Variants in TMEM183A observed in about 807,000 individuals in gnomAD.
The protein encoded by TMEM183A is transmembrane protein 183A.
A neutral mutation model predicts 46.7 loss-of-function variants in TMEM183A; 21 were observed. The ratio of observed to expected loss-of-function variants is 0.45; its 90% CI spans 0.32 to 0.65. The LOEUF is 0.65. Among genes scored for constraint, TMEM183A ranks in the 30% least tolerant of loss-of-function variants. TMEM183A has a pLI of 0.04. For synonymous variants in TMEM183A, 165 were observed against 180.2 expected, an observed-to-expected ratio of 0.92 and a Z score of 0.68; for missense variants, 331 against 481.9, an observed-to-expected ratio of 0.69 and a Z score of 2.93.
In TMEM183A at chr1:203,023,014, C is replaced by T. The variant is rs1486609549; in HGVS notation, c.1105C>T (p.Gln369Ter). The change falls in exon 8 of 8, where the codon CAG becomes TAG. Residue 369 changes from glutamine (Q) to a stop codon, truncating the protein, a stop_gained. Transcript: ENST00000367242. LOFTEE classifies it high-confidence loss of function. ...TCGGCTCTTTGACTGGTGGCATCCTCAGTACCCATTCTCCCTGAGAGCGTA... is the reference window on the plus strand; with the variant it reads ...TCGGCTCTTTGACTGGTGGCATCCTTAGTACCCATTCTCCCTGAGAGCGTA... The part of the protein sequence containing the change: ...SVRLFDWWHP[Q>*]YPFSLRA The T allele has an allele frequency of 1.3e-6, 2 of 1,579,642 alleles. No homozygotes were observed. Among genetic ancestry groups the T allele is most frequent in the Admixed American group, 3.4e-5 (2 of 58,342 alleles).
intron 4 of TMEM183A, 40 bp downstream of exon 4, chr1:203,015,088 G>A: frequency 6.2e-7 from 1 of 1,603,216 alleles, no homozygotes; most frequent in Non-Finnish European, 8.5e-7. Context: ...CTGTGTGGCT[G>A]ATTTCATTAC....
At chr1:203,020,984 T>C (rs1022989284) in intron 7 of TMEM183A, 36 bp downstream of exon 7, 2 of 314,120 alleles carry the variant, frequency 6.4e-6, no homozygotes, top group African/African-American at 9.7e-5. Context: ...CTCAGCTCCT[T>C]TTTTTTTTTT....
rs1168619850 is a variant in TMEM183A at position 203,024,724 on chromosome 1, A to C, written c.*1684A>C. 1 of 152,186 alleles carries C rather than the reference A, an allele frequency of 6.6e-6. No individual in the cohort carries two copies. The highest frequency in any genetic ancestry group is 1.5e-5 in the Non-Finnish European group (1 of 68,038). 9.4% of individuals were successfully genotyped at this position (152,186 alleles called of 1,614,324 possible). A position where few individuals can be genotyped will look rare whatever the true frequency, so the allele number is the denominator to read the frequency against. On this transcript the variant is annotated 3_prime_UTR_variant, in exon 8 of 8. Transcript: ENST00000367242. ...TTGCCTCTTTGAGGCAGGAGGGGAG[A>C]AGCACAGTCCCTGCCAGGTTGCCTG... is the stretch of plus-strand genomic sequence containing the variant.
chr1:203,020,697 C>G, intron 6 of TMEM183A, 96 bp from the exon 7 acceptor site: 1 of 1,466,230 alleles, frequency 6.8e-7, no homozygotes, highest in African/African-American at 1.4e-5. Context: ...GTGTATCTCA[C>G]TAGCTTTAGT....
chr1:203,008,841 G>T, intron 3 of TMEM183A, 31 bp downstream of exon 3: 2 of 1,560,782 alleles, frequency 1.3e-6, no homozygotes, highest in South Asian at 1.2e-5. Context: ...TGGTTTATTA[G>T]ACCTGCCTGT....
chr1:203,018,981 G>A (rs1023900989), intron 6 of TMEM183A, among the ~76,000 whole-genome samples: 5 of 152,182 alleles, frequency 3.3e-5, no homozygotes, highest in African/African-American at 1.2e-4. Flanking sequence ...GAGATTAAGT[G>A]TCCACATGAA....
intron 2 of TMEM183A, 99 bp from the exon 3 acceptor site, chr1:203,008,544 T>TC (rs1356664389): frequency 2.7e-6 from 3 of 1,095,834 alleles, no homozygotes; most frequent in African/African-American, 3.2e-5. Context: ...GATGTTTTTT[T>TC]TCCCCCCTTT....
rs753139412 is a variant in TMEM183A at position 203,016,071 on chromosome 1, A to G, written c.639A>G (p.Pro213=). ...VIRSLYHMYE[P]FAARISKNPA... is the part of the protein sequence containing the mutation. Reference sequence around the variant, plus strand: ...GATCTCTGTACCATATGTATGAGCCATTTGCTGCTCGAATCTCCAAGAATC... The same window carrying G: ...GATCTCTGTACCATATGTATGAGCCGTTTGCTGCTCGAATCTCCAAGAATC... Residue 213 remains proline (P), a synonymous_variant, in exon 5 of 8, where the codon CCA becomes CCG. Transcript: ENST00000367242. The G allele has an allele frequency of 1.9e-6, 3 of 1,614,194 alleles. No homozygotes were observed. Among genetic ancestry groups the G allele is most frequent in the African/African-American group, 1.3e-5 (1 of 75,046 alleles).
rs769992221 is a variant in TMEM183A at position 203,007,843 on chromosome 1, C to T, written c.179C>T (p.Ala60Val). 1 of 1,613,984 alleles carries T rather than the reference C, an allele frequency of 6.2e-7. No homozygotes were observed. Among genetic ancestry groups the T allele is most frequent in the African/African-American group, 1.3e-5 (1 of 74,940 alleles). ...VRSGRVKKAV[A>V]NAVQQEVKSL... ...TCTGGACGAGTCAAGAAAGCCGTAGCCAACGCTGTTCAGCAGGAAGGTAAG... is the reference window on the plus strand; with the variant it reads ...TCTGGACGAGTCAAGAAAGCCGTAGTCAACGCTGTTCAGCAGGAAGGTAAG... The change falls in exon 2 of 8, where the codon GCC becomes GTC. Residue 60 changes from alanine (A) to valine (V), a missense_variant. Physicochemically the swap from Ala to Val is moderately conservative, Grantham distance 64. This residue lies in a region of TMEM183A where 98 missense variants were observed against 96.1 expected (regional missense o/e 1.02). Coordinates refer to ENST00000367242, the MANE Select transcript of TMEM183A (RefSeq NM_138391.6).
At chr1:203,010,732 A>C (rs1382437442) in intron 3 of TMEM183A, among the ~76,000 whole-genome samples, 1 of 152,214 alleles carries the variant, frequency 6.6e-6, no homozygotes, top group Non-Finnish European at 1.5e-5. Context: ...TATTCCTTTA[A>C]AGTGTACAAT....
intron 7 of TMEM183A, among the ~76,000 whole-genome samples, chr1:203,022,299 G>C (rs1274072818): frequency 6.6e-6 from 1 of 151,864 alleles, no homozygotes; most frequent in East Asian, 2.0e-4. Context: ...CCTAACCTCA[G>C]ACAATCTGCC....
intron 1 of TMEM183A, 71 bp from the exon 2 acceptor site, chr1:203,007,703 G>C: frequency 6.3e-7 from 1 of 1,596,362 alleles, no homozygotes; most frequent in South Asian, 1.1e-5. Context: ...CCTGCAGCGA[G>C]GAGGAGGTGT....
chr1:203,015,867 T>G (rs1381363851), intron 4 of TMEM183A, 93 bp from the exon 5 acceptor site: 3 of 1,495,738 alleles, frequency 2.0e-6, no homozygotes, highest in Non-Finnish European at 2.7e-6. Flanking sequence ...AATAGTGCAG[T>G]AAAGTTCATA....
At chr1:203,021,022 C>A in intron 7 of TMEM183A, 74 bp downstream of exon 7, 2 of 1,223,092 alleles carry the variant, frequency 1.6e-6, no homozygotes, top group Admixed American at 3.6e-5. Flanking sequence ...AGGTGAACCG[C>A]AGCTCTTTTT....
chr1:203,013,470 G>A lies in TMEM183A; in HGVS notation c.368-1419G>A, dbSNP rs193094948. On this transcript the variant is annotated intron_variant, in intron 3 of 7. Transcript: ENST00000367242. The surrounding 1 kb of genome is among the most constrained non-coding windows in gnomAD (Gnocchi z 4.0). ...AGAGAATTAATGCTAATGAGTTCTG[G>A]AGAATTAATGCTAATGAGTTCTGAA... Among the ~76,000 whole-genome samples, 2 of 152,054 alleles carry A rather than the reference G, an allele frequency of 1.3e-5. No individual in the cohort carries two copies. Among genetic ancestry groups the A allele is most frequent in the African/African-American group, 2.4e-5 (1 of 41,412 alleles).
rs1222127042 is a variant in TMEM183A at position 203,013,613 on chromosome 1, G to A, written c.368-1276G>A. 1.3e-5 allele frequency among the ~76,000 whole-genome samples: 2 copies of A among 151,836 alleles called. No homozygotes were observed. Among genetic ancestry groups the A allele is most frequent in the African/African-American group, 2.4e-5 (1 of 41,300 alleles). On this transcript the variant is annotated intron_variant, in intron 3 of 7. Coordinates refer to ENST00000367242, the MANE Select transcript of TMEM183A (RefSeq NM_138391.6). This position sits in a 1 kb window ranked among gnomAD's most constrained non-coding sequence, Gnocchi z 4.0. ...TGCAAGCTCCGCCTCCTGGGTTCACGCCATTCTCCTGCCTCAGCCTCCCAA... is the reference window on the plus strand; with the variant it reads ...TGCAAGCTCCGCCTCCTGGGTTCACACCATTCTCCTGCCTCAGCCTCCCAA...
intron 5 of TMEM183A, chr1:203,017,965 C>T: frequency 1.0e-6 from 1 of 984,394 alleles, no homozygotes; most frequent in Non-Finnish European, 1.2e-6. Context: ...CTGACTTTCA[C>T]TGAGGGGCTT....
chr1:203,008,783 A>G lies in TMEM183A; in HGVS notation c.340A>G (p.Arg114Gly). 1 of 1,608,026 alleles carries G rather than the reference A, an allele frequency of 6.2e-7. No homozygotes were observed. The highest frequency in any genetic ancestry group is 8.5e-7 in the Non-Finnish European group (1 of 1,177,410). ...EESIHERTVS[R>G]KKKSKRHKEE... is the part of the protein sequence containing the mutation. Reference sequence around the variant, plus strand: ...AAGCATCCATGAGAGAACTGTCTCCAGAAAAAAGAAAAGCAAGAGACACAA... The same window carrying G: ...AAGCATCCATGAGAGAACTGTCTCCGGAAAAAAGAAAAGCAAGAGACACAA... Residue 114 changes from arginine to glycine, a missense_variant, in exon 3 of 8, where the codon AGA (arginine) becomes GGA (glycine). By Grantham distance (125) the Arg-to-Gly change is moderately radical. This residue lies in a region of TMEM183A where 233 missense variants were observed against 385.8 expected (regional missense o/e 0.60). Coordinates refer to ENST00000367242, the MANE Select transcript of TMEM183A (RefSeq NM_138391.6).
intron 3 of TMEM183A, among the ~76,000 whole-genome samples, chr1:203,012,148 T>TCTCACACACACACACA (rs1553249434): frequency 0.036 from 2,848 of 79,356 alleles, 409 homozygotes; most frequent in Middle Eastern, 0.056. Flanking sequence ...CCCCACTCCA[T>TCTCACACACACACACA]CACACACACA....
Sources: allele counts gnomAD v4.1 joint callset (sites outside exome capture counted in the v4.1 genomes callset), GRCh38; gene constraint gnomAD v4.1.1; regional missense constraint gnomAD v4.1.1; non-coding constraint Gnocchi (gnomAD v3.1); transcripts MANE v1.5; gene names NCBI Gene and HGNC (gene_info 2026-07-23, HGNC 2026-07-21).